The following WDFY3 variants were observed in gnomAD, a reference collection of about 807,000 sequenced individuals.
WDFY3 encodes WD repeat and FYVE domain-containing protein 3.
WDFY3 carries 66 observed loss-of-function variants against 409.6 expected under a neutral mutation model. The observed-to-expected ratio is 0.16, with a 90% CI of 0.13 to 0.20. WDFY3 has a LOEUF of 0.20. WDFY3 is among the 10% of genes least tolerant of loss of function. The pLI is 1.00. For missense variants in WDFY3, 3,031 were observed against 4,298.1 expected, an observed-to-expected ratio of 0.71 and a Z score of 8.24; for synonymous variants, 1,521 against 1,537.1, an observed-to-expected ratio of 0.99 and a Z score of 0.25.
At chr4:84,818,528 G>A (rs1374865527) in intron 12 of WDFY3, among the ~76,000 whole-genome samples, 2 of 152,054 alleles carry the variant, frequency 1.3e-5, no homozygotes, top group African/African-American at 2.4e-5. Context: ...AGCAGCCACT[G>A]TCCTCTCTGC....
chr4:84,878,754 C>T (rs1763108258), intron 3 of WDFY3, among the ~76,000 whole-genome samples: 1 of 152,094 alleles, frequency 6.6e-6, no homozygotes, highest in Admixed American at 6.6e-5. Flanking sequence ...AATGGAATTT[C>T]CCAGTGTACT....
At chr4:84,926,985 C>T (rs1037670832) in intron 2 of WDFY3, among the ~76,000 whole-genome samples, 2 of 152,166 alleles carry the variant, frequency 1.3e-5, no homozygotes, top group African/African-American at 4.8e-5. Flanking sequence ...AGGAATACCA[C>T]GTAGAAATCC....
rs1467585984 is a variant in WDFY3 at position 84,921,772 on chromosome 4, T to A, written c.-132+10498A>T. Among the ~76,000 whole-genome samples the A allele has an allele frequency of 2.1e-5, 3 of 144,750 alleles. No homozygotes were observed. The Admixed American group carries it at 2.2e-4, about 10-fold the overall frequency. The allele number at this position is 144,750 out of a possible 152,430, so 95.0% of individuals were successfully genotyped here. On this transcript the variant is annotated intron_variant, in intron 2 of 67. Transcript: ENST00000295888. ...TCCTGGGTTCAAGCAATTCTCTGCC[T>A]CAGCCTCCCTAGTAGCTGTGATTAC...
At chr4:84,792,876 C>T (rs1748754914) in intron 21 of WDFY3, among the ~76,000 whole-genome samples, 1 of 152,134 alleles carries the variant, frequency 6.6e-6, no homozygotes, top group Non-Finnish European at 1.5e-5. Context: ...TACATAATAT[C>T]TGCATGCCTA....
intron 32 of WDFY3, among the ~76,000 whole-genome samples, chr4:84,760,428 T>C (rs1246021246): frequency 6.6e-6 from 1 of 152,154 alleles, no homozygotes; most frequent in African/African-American, 2.4e-5. Context: ...TGAATCCATC[T>C]GGTCCTGGAC....
intron 13 of WDFY3, among the ~76,000 whole-genome samples, chr4:84,814,371 C>A (rs536722920): frequency 6.6e-6 from 1 of 152,144 alleles, no homozygotes; most frequent in Non-Finnish European, 1.5e-5. Flanking sequence ...CTGTTCTTTG[C>A]GGAGAATGCT....
intron 3 of WDFY3, among the ~76,000 whole-genome samples, chr4:84,885,266 A>G (rs1764046174): frequency 6.6e-6 from 1 of 151,452 alleles, no homozygotes; most frequent in Non-Finnish European, 1.5e-5. Flanking sequence ...TGGCCTCCCT[A>G]AGTGCTGGGA....
At chr4:84,752,786 A>G (rs990481659) in intron 35 of WDFY3, among the ~76,000 whole-genome samples, 4 of 152,164 alleles carry the variant, frequency 2.6e-5, no homozygotes, top group Non-Finnish European at 1.5e-5. Context: ...ATGAAGAAAC[A>G]TCATGAAATT....
intron 25 of WDFY3, 136 bp downstream of exon 25, chr4:84,782,827 C>T: frequency 1.5e-6 from 1 of 651,284 alleles, no homozygotes; most frequent in South Asian, 2.3e-5. Context: ...TACATGTAAT[C>T]TCTGAATACT....
At chr4:84,880,159 T>A (rs913579524) in intron 3 of WDFY3, among the ~76,000 whole-genome samples, 14 of 152,010 alleles carry the variant, frequency 9.2e-5, no homozygotes, top group African/African-American at 2.4e-4. Flanking sequence ...GTTGGAGTGA[T>A]ATGGACATCA....
intron 37 of WDFY3, among the ~76,000 whole-genome samples, chr4:84,743,473 A>C (rs1487651819): frequency 6.6e-6 from 1 of 152,180 alleles, no homozygotes; most frequent in Non-Finnish European, 1.5e-5. Flanking sequence ...AAACTTTCAT[A>C]TATCTGTCAA....
chr4:84,677,780 C>T (rs565626929), intron 66 of WDFY3, among the ~76,000 whole-genome samples: 6 of 151,690 alleles, frequency 4.0e-5, no homozygotes, highest in East Asian at 1.9e-4. Context: ...CTGGGCAACA[C>T]GGTAAAACCC....
chr4:84,965,365 C>G (rs976224668), intron 1 of WDFY3, among the ~76,000 whole-genome samples: 1 of 152,202 alleles, frequency 6.6e-6, no homozygotes, highest in Non-Finnish European at 1.5e-5. Context: ...AAACACTTAA[C>G]CATTTTTAAG....
intron 64 of WDFY3, among the ~76,000 whole-genome samples, chr4:84,681,362 A>G (rs1366119603): frequency 1.3e-5 from 2 of 152,198 alleles, no homozygotes; most frequent in South Asian, 2.1e-4. Flanking sequence ...TATCTGACAT[A>G]TAACAGGTAA....
intron 1 of WDFY3, among the ~76,000 whole-genome samples, chr4:84,960,636 C>T (rs1774793258): frequency 1.3e-5 from 2 of 152,016 alleles, no homozygotes; most frequent in Non-Finnish European, 2.9e-5. Context: ...ATGTATTTTA[C>T]AAGGTACTCT....
intron 49 of WDFY3, 80 bp downstream of exon 49, chr4:84,716,816 A>T: frequency 8.2e-7 from 1 of 1,214,102 alleles, no homozygotes; most frequent in Non-Finnish European, 1.1e-6. Context: ...AAAAATAAAA[A>T]ATAAAAAATA....
chr4:84,752,339 C>T (rs886443890), intron 35 of WDFY3, among the ~76,000 whole-genome samples: 2 of 151,916 alleles, frequency 1.3e-5, no homozygotes, highest in Non-Finnish European at 2.9e-5. Context: ...CATGGCGAAA[C>T]CCCATCTCTA....
At chr4:84,944,353 G>GA (rs1197503307) in intron 1 of WDFY3, among the ~76,000 whole-genome samples, 2 of 151,410 alleles carry the variant, frequency 1.3e-5, no homozygotes, top group East Asian at 3.9e-4. Context: ...CATTCTCTAC[G>GA]AAAAAAATTA....
intron 44 of WDFY3, among the ~76,000 whole-genome samples, chr4:84,730,809 T>C (rs2149150077): frequency 6.7e-6 from 1 of 148,618 alleles, no homozygotes; most frequent in South Asian, 2.1e-4. Flanking sequence ...CTCTCTGTAT[T>C]TTTTTTTTTA....
Sources: gnomAD v4.1 joint callset for allele counts (sites outside exome capture counted in the v4.1 genomes callset) on GRCh38, gnomAD v4.1.1 for gene constraint, MANE v1.5 for transcripts, NCBI Gene and HGNC (gene_info 2026-07-23, HGNC 2026-07-21) for gene names.